MICAL3: variants seen among roughly 807,000 people sequenced by gnomAD.
MICAL3 encodes the protein [F-actin]-monooxygenase MICAL3.
Under a neutral mutation model 207.4 loss-of-function variants are expected in MICAL3, and 62 were observed. That is an observed-to-expected ratio of 0.30 (90% CI 0.24 to 0.37). MICAL3 has a LOEUF of 0.37. Ranked by LOEUF, MICAL3 falls within the 10% of genes least tolerant of loss-of-function variation. The probability of loss-of-function intolerance (pLI) is 1.00; values close to 1 mark genes in which losing one functional copy is unlikely to be tolerated. For missense variants in MICAL3, 2,368 were observed against 2,635.6 expected (o/e 0.90, Z 2.22); for synonymous variants, 1,077 against 1,069.3 (o/e 1.01, Z -0.14).
chr22:17,870,586 G>A (rs539605572), intron 17 of MICAL3, among the ~76,000 whole-genome samples: 55 of 152,254 alleles, frequency 3.6e-4, no homozygotes, highest in African/African-American at 1.3e-3. Flanking sequence ...CAGACTCCAC[G>A]GTGAGAGGCT....
At chr22:18,017,276 C>T (rs977761417) in intron 1 of MICAL3, among the ~76,000 whole-genome samples, 1 of 151,914 alleles carries the variant, frequency 6.6e-6, no homozygotes, top group East Asian at 1.9e-4. Context: ...TGCAATGGCG[C>T]AATCTCGGCT....
At chr22:17,966,717 T>C (rs990068001) in intron 1 of MICAL3, among the ~76,000 whole-genome samples, 5 of 152,186 alleles carry the variant, frequency 3.3e-5, no homozygotes, top group Non-Finnish European at 5.9e-5. Flanking sequence ...AACGACAGAA[T>C]GCATTTCTAA....
intron 16 of MICAL3, chr22:17,879,448 A>G (rs760119201): frequency 1.6e-5 from 25 of 1,524,280 alleles, no homozygotes; most frequent in African/African-American, 2.8e-5. Context: ...ATATCGCTCT[A>G]TTTGGACCTA....
intron 1 of MICAL3, among the ~76,000 whole-genome samples, chr22:17,964,404 C>T (rs1031587955): frequency 1.3e-5 from 2 of 152,220 alleles, no homozygotes; most frequent in African/African-American, 2.4e-5. Flanking sequence ...GCCAACGCCA[C>T]AGGCCCCAGC....
chr22:17,975,711 C>T (rs1370084470), intron 1 of MICAL3, among the ~76,000 whole-genome samples: 1 of 152,186 alleles, frequency 6.6e-6, no homozygotes, highest in Non-Finnish European at 1.5e-5. Flanking sequence ...GAACCCAGCA[C>T]TGTCCCAAGA....
intron 1 of MICAL3, among the ~76,000 whole-genome samples, chr22:17,969,558 C>T (rs895035204): frequency 2.0e-5 from 3 of 152,160 alleles, no homozygotes; most frequent in Non-Finnish European, 2.9e-5. Context: ...TTCTTCCCTG[C>T]CACCTTTATT....
chr22:17,799,764 A>T (rs917242407), intron 29 of MICAL3, among the ~76,000 whole-genome samples: 1 of 152,216 alleles, frequency 6.6e-6, no homozygotes, highest in Non-Finnish European at 1.5e-5. Flanking sequence ...CTGGTCCGGC[A>T]GGCCCAGTCT....
At chr22:17,876,837 AGGGAGG>A (rs1928510426) in intron 16 of MICAL3, 7 of 138,554 alleles carry the variant, frequency 5.1e-5, no homozygotes, top group African/African-American at 9.0e-5. Context: ...TATGGAGGTT[AGGGAGG>A]TTAGGGAGGT....
intron 1 of MICAL3, among the ~76,000 whole-genome samples, chr22:18,017,264 C>T (rs372381945): frequency 6.6e-6 from 1 of 151,126 alleles, no homozygotes; most frequent in African/African-American, 2.4e-5. Flanking sequence ...CCTAGGCTGG[C>T]GTGCAATGGC....
At chr22:17,921,374 C>T (rs547518519) in intron 1 of MICAL3, among the ~76,000 whole-genome samples, 20 of 152,298 alleles carry the variant, frequency 1.3e-4, no homozygotes, top group African/African-American at 4.3e-4. Flanking sequence ...AACTGTCTCC[C>T]GGGTATGCAA....
chr22:17,805,118 G>A (rs924707310), intron 29 of MICAL3, among the ~76,000 whole-genome samples: 6 of 152,230 alleles, frequency 3.9e-5, no homozygotes, highest in Non-Finnish European at 5.9e-5. Flanking sequence ...AGACCCCCAA[G>A]TGAGATGATG....
Position 17,831,009 on chromosome 22 carries a change from G to C in MICAL3, c.3055+845C>G, listed in dbSNP as rs145466522. 1.8e-3 allele frequency among the ~76,000 whole-genome samples: 268 copies of C among 152,336 alleles called. 2 individuals carry two copies. The highest frequency in any genetic ancestry group is 3.0e-3 in the Non-Finnish European group (205 of 68,018). On this transcript the variant is annotated intron_variant, in intron 21 of 31. Transcript: ENST00000441493. ...AAGCACACAGGTGCCAGGAGAAGCA[G>C]AGATGAGCACAGTGCCAGCTCTGCA...
intron 1 of MICAL3, among the ~76,000 whole-genome samples, chr22:17,911,103 G>A (rs1370781874): frequency 2.0e-5 from 3 of 152,198 alleles, no homozygotes; most frequent in Admixed American, 6.5e-5. Flanking sequence ...TGTTTTGTCC[G>A]CAGCAGCTGA....
At chr22:17,934,177 T>C (rs1467438010) in intron 1 of MICAL3, among the ~76,000 whole-genome samples, 1 of 152,116 alleles carries the variant, frequency 6.6e-6, no homozygotes, top group African/African-American at 2.4e-5. Context: ...TAGACCAATA[T>C]CCCTGATGAA....
In MICAL3 at chr22:17,901,984, G is replaced by C; in HGVS notation, c.590-5C>G. The C allele has an allele frequency of 6.2e-7, 1 of 1,609,044 alleles. No homozygotes were observed. Among genetic ancestry groups the C allele is most frequent in the Non-Finnish European group, 8.5e-7 (1 of 1,176,926 alleles). On this transcript the variant is annotated splice_region_variant and splice_polypyrimidine_tract_variant and intron_variant, in intron 4 of 31. Transcript: ENST00000441493. ...CCAGTGCCCGCCAGCCTATCCCTGT[G>C]AACCAAAACCAAATAAATGGGGGTC... is the stretch of plus-strand genomic sequence containing the variant.
Position 17,960,587 on chromosome 22 carries a change from TC to T in MICAL3, c.-74-53702del, listed in dbSNP as rs200242542. On this transcript the variant is annotated intron_variant, in intron 1 of 31. Transcript: ENST00000441493. ...AGACTCCAGGAGCTCTGCGAACTGT[TC>T]TGGAACTGGACCTGTTCAGGATTGG... Among the ~76,000 whole-genome samples the T allele has an allele frequency of 4.5e-3, 692 of 152,126 alleles. 5 individuals carry two copies. Among genetic ancestry groups the T allele is most frequent in the African/African-American group, 0.016 (647 of 41,480 alleles).
chr22:17,875,675 T>C (rs972691033), intron 16 of MICAL3: 3 of 308,268 alleles, frequency 9.7e-6, no homozygotes, highest in African/African-American at 6.2e-5. Flanking sequence ...CTAAATACCA[T>C]GTATAGTAAA....
At chr22:17,830,108 G>GC (rs1336197861) in intron 21 of MICAL3, among the ~76,000 whole-genome samples, 1 of 152,104 alleles carries the variant, frequency 6.6e-6, no homozygotes, top group African/African-American at 2.4e-5. Flanking sequence ...GAGGTACCTG[G>GC]CGCCACTGGC....
intron 1 of MICAL3, among the ~76,000 whole-genome samples, chr22:17,983,006 C>A (rs1000031035): frequency 1.3e-5 from 2 of 152,144 alleles, no homozygotes; most frequent in Non-Finnish European, 2.9e-5. Flanking sequence ...GGACCTTGGG[C>A]TGAGGCCACA....
Sources: gnomAD v4.1 joint callset for allele counts (sites outside exome capture counted in the v4.1 genomes callset) on GRCh38, gnomAD v4.1.1 for gene constraint, MANE v1.5 for transcripts, NCBI Gene and HGNC (gene_info 2026-07-23, HGNC 2026-07-21) for gene names.